The following HEATR5B variants were observed in gnomAD, a reference collection of about 807,000 sequenced individuals.
The protein encoded by HEATR5B is HEAT repeat-containing protein 5B.
Under a neutral mutation model 224.1 loss-of-function variants are expected in HEATR5B, and 156 were observed. That is an observed-to-expected ratio of 0.70 (90% CI 0.61 to 0.80). The LOEUF is 0.80. Among genes scored for constraint, HEATR5B ranks in the 30% least tolerant of loss-of-function variants. The pLI is 0.00. For synonymous variants in HEATR5B, 1,027 were observed against 893.0 expected (o/e 1.15, Z -2.68); for missense variants, 2,323 against 2,535.5 (o/e 0.92, Z 1.80).
chr2:37,003,005 T>C (rs1667188923), intron 31 of HEATR5B, among the ~76,000 whole-genome samples: 1 of 152,096 alleles, frequency 6.6e-6, no homozygotes, highest in Non-Finnish European at 1.5e-5. Flanking sequence ...AAACGTGTAA[T>C]CTCAGCACTT....
At chr2:36,984,323 T>C (rs1466755152) in intron 35 of HEATR5B, among the ~76,000 whole-genome samples, 1 of 150,388 alleles carries the variant, frequency 6.6e-6, no homozygotes, top group Admixed American at 6.7e-5. Context: ...ACATAATTTG[T>C]TTCTACCTGG....
chr2:37,050,428 C>T (rs752124556), intron 17 of HEATR5B, among the ~76,000 whole-genome samples: 23 of 152,106 alleles, frequency 1.5e-4, no homozygotes, highest in Non-Finnish European at 3.1e-4. Flanking sequence ...AAGACTAGTA[C>T]TTAAAAGTTA....
At chr2:37,038,630 C>T (rs1172451849) in intron 20 of HEATR5B, among the ~76,000 whole-genome samples, 1 of 152,166 alleles carries the variant, frequency 6.6e-6, no homozygotes, top group African/African-American at 2.4e-5. Flanking sequence ...TCCTCACTTT[C>T]CCAAAGAGGA....
intron 35 of HEATR5B, among the ~76,000 whole-genome samples, chr2:36,987,424 A>C (rs2148324867): frequency 6.6e-6 from 1 of 152,098 alleles, no homozygotes; most frequent in Admixed American, 6.5e-5. Context: ...TTGTTTCAAA[A>C]AAAAAAAAAA....
intron 24 of HEATR5B, among the ~76,000 whole-genome samples, chr2:37,025,650 A>C (rs569699352): frequency 1.3e-5 from 2 of 149,392 alleles, no homozygotes; most frequent in Non-Finnish European, 3.0e-5. Flanking sequence ...GGCAGAAAAA[A>C]GCAAAACATC....
intron 3 of HEATR5B, among the ~76,000 whole-genome samples, chr2:37,078,735 C>G (rs1289958411): frequency 6.6e-6 from 1 of 152,084 alleles, no homozygotes; most frequent in African/African-American, 2.4e-5. Flanking sequence ...GGACCATGGC[C>G]CCTTGAATGT....
At chr2:37,067,326 C>T (rs1671647227) in intron 8 of HEATR5B, among the ~76,000 whole-genome samples, 1 of 152,226 alleles carries the variant, frequency 6.6e-6, no homozygotes, top group Admixed American at 6.5e-5. Context: ...TGGCACTAAA[C>T]ATTTCCTCAA....
chr2:36,988,926 C>A, intron 34 of HEATR5B, 67 bp from the exon 35 acceptor site: 2 of 1,166,534 alleles, frequency 1.7e-6, no homozygotes, highest in Non-Finnish European at 2.5e-6. Flanking sequence ...AATCACATTG[C>A]ATCTTACTAT....
intron 18 of HEATR5B, among the ~76,000 whole-genome samples, chr2:37,043,385 G>C (rs139311427): frequency 3.3e-5 from 5 of 152,338 alleles, no homozygotes; most frequent in Non-Finnish European, 5.9e-5. Context: ...AATACATTTT[G>C]CTGCTTGACT....
chr2:37,010,519 GT>G (rs1399212259), intron 27 of HEATR5B, among the ~76,000 whole-genome samples: 20 of 119,970 alleles, frequency 1.7e-4, no homozygotes, highest in South Asian at 3.2e-4. Context: ...TTATTACACT[GT>G]TTTTTTTTTT....
chr2:37,031,529 G>C (rs1230545334), intron 22 of HEATR5B, among the ~76,000 whole-genome samples: 1 of 149,262 alleles, frequency 6.7e-6, no homozygotes, highest in Non-Finnish European at 1.5e-5. Context: ...AGCCTTCCAA[G>C]TAGTCTCAAT....
chr2:36,998,611 T>C (rs2148362110), intron 33 of HEATR5B, among the ~76,000 whole-genome samples: 1 of 152,270 alleles, frequency 6.6e-6, no homozygotes, highest in South Asian at 2.1e-4. Context: ...TCTTTTTAAC[T>C]GGGATAAATT....
intron 5 of HEATR5B, among the ~76,000 whole-genome samples, chr2:37,074,254 C>A (rs11124558): frequency 2.1e-5 from 3 of 145,644 alleles, no homozygotes; most frequent in African/African-American, 7.7e-5. Context: ...ACCCGGGAGG[C>A]GGAGTTTGCA....
intron 34 of HEATR5B, 89 bp downstream of exon 34, chr2:36,990,559 T>C (rs1368289212): frequency 8.2e-7 from 1 of 1,213,686 alleles, no homozygotes; most frequent in Non-Finnish European, 1.1e-6. Context: ...TAGCTTTTCA[T>C]TATGTATCAC....
intron 2 of HEATR5B, 91 bp from the exon 3 acceptor site, chr2:37,079,422 C>T (rs780570378): frequency 4.8e-6 from 3 of 624,504 alleles, no homozygotes; most frequent in Non-Finnish European, 8.3e-6. Context: ...ACTTAAGGCA[C>T]TCTAATAATT....
rs142023570 is a variant in HEATR5B at position 37,040,522 on chromosome 2, G to C, written c.2857-4C>G. The C allele has an allele frequency of 9.9e-5, 158 of 1,589,668 alleles. No individual in the cohort carries two copies. The African/African-American group carries it at 1.8e-3, about 18-fold the overall frequency. ...CAAGTGAATGAAGAGACCAAGTCTA[G>C]AATAAAATATAATTTCATTTTAGTT... On this transcript the variant is annotated splice_region_variant and splice_polypyrimidine_tract_variant and intron_variant, in intron 19 of 35. Coordinates refer to ENST00000233099, the MANE Select transcript of HEATR5B (RefSeq NM_019024.3).
chr2:37,048,887 G>C (rs75392120), intron 18 of HEATR5B, among the ~76,000 whole-genome samples: 4,948 of 152,228 alleles, frequency 0.033, 113 homozygotes, highest in East Asian at 0.12. Context: ...ATTTTCTTCA[G>C]AACTACTACT....
At chr2:37,022,698 A>C (rs1035066347) in intron 24 of HEATR5B, among the ~76,000 whole-genome samples, 6 of 152,246 alleles carry the variant, frequency 3.9e-5, no homozygotes, top group African/African-American at 1.4e-4. Flanking sequence ...AACGACCTTT[A>C]TAATAAGATA....
intron 27 of HEATR5B, among the ~76,000 whole-genome samples, chr2:37,010,707 T>C (rs1225265218): frequency 6.6e-6 from 1 of 151,898 alleles, no homozygotes; most frequent in Non-Finnish European, 1.5e-5. Context: ...AGAGACAGGG[T>C]TTCTCCACGT....
Sources: gnomAD v4.1 joint callset for allele counts (sites outside exome capture counted in the v4.1 genomes callset) on GRCh38, gnomAD v4.1.1 for gene constraint, MANE v1.5 for transcripts, NCBI Gene and HGNC (gene_info 2026-07-23, HGNC 2026-07-21) for gene names.